The following CHRM3 variants were observed in gnomAD, a reference collection of about 807,000 sequenced individuals.
CHRM3 encodes the protein cholinergic receptor muscarinic 3.
CHRM3 carries 11 observed loss-of-function variants against 41.8 expected under a neutral mutation model. The ratio of observed to expected loss-of-function variants is 0.26; its 90% CI spans 0.17 to 0.44. The LOEUF is 0.44. Ranked by LOEUF, CHRM3 falls within the 20% of genes least tolerant of loss-of-function variation. The pLI is 1.00. For missense variants in CHRM3, 571 were observed against 745.4 expected (o/e 0.77, Z 2.72); for synonymous variants, 297 against 301.4 (o/e 0.99, Z 0.15).
chr1:239,846,276 A>G (rs1674255687), intron 6 of CHRM3, among the ~76,000 whole-genome samples: 1 of 152,186 alleles, frequency 6.6e-6, no homozygotes, highest in African/African-American at 2.4e-5. Flanking sequence ...CAAAAATTAC[A>G]TTCTTGGGAC....
chr1:239,398,053 G>A (rs541173199), intron 1 of CHRM3, among the ~76,000 whole-genome samples: 29 of 152,084 alleles, frequency 1.9e-4, no homozygotes, highest in African/African-American at 5.8e-4. Flanking sequence ...TGTGGAACTC[G>A]GGAAGGTCAT....
intron 4 of CHRM3, among the ~76,000 whole-genome samples, chr1:239,650,582 C>T (rs549424708): frequency 6.6e-6 from 1 of 152,164 alleles, no homozygotes; most frequent in Non-Finnish European, 1.5e-5. Flanking sequence ...AAGTCTTAAA[C>T]TTAATTTGTA....
intron 1 of CHRM3, among the ~76,000 whole-genome samples, chr1:239,424,953 C>T (rs761963108): frequency 5.9e-5 from 9 of 152,274 alleles, no homozygotes; most frequent in Non-Finnish European, 1.0e-4. Flanking sequence ...TTTTGCAAAG[C>T]TCATGCTGGG....
intron 5 of CHRM3, among the ~76,000 whole-genome samples, chr1:239,708,688 A>G (rs1414221447): frequency 2.7e-5 from 4 of 148,144 alleles, no homozygotes; most frequent in Non-Finnish European, 6.0e-5. Flanking sequence ...ATTTTTGCCA[A>G]AGTTACTGTT....
intron 3 of CHRM3, among the ~76,000 whole-genome samples, chr1:239,591,007 A>G (rs758014094): frequency 2.0e-5 from 3 of 152,196 alleles, no homozygotes; most frequent in African/African-American, 7.2e-5. Context: ...TCCCCATCAC[A>G]GTAAGTGTTA....
intron 3 of CHRM3, among the ~76,000 whole-genome samples, chr1:239,575,413 C>T (rs1165855175): frequency 6.6e-6 from 1 of 152,140 alleles, no homozygotes; most frequent in Non-Finnish European, 1.5e-5. Context: ...CCTAATAAAG[C>T]TCAGGGACAA....
At chr1:239,727,852 T>C (rs561310563) in intron 5 of CHRM3, 1 of 152,080 alleles carries the variant, frequency 6.6e-6, no homozygotes, top group East Asian at 1.9e-4. Flanking sequence ...CTTAAGCACA[T>C]GACACCAACT....
At chr1:239,752,266 A>G (rs980854279) in intron 5 of CHRM3, among the ~76,000 whole-genome samples, 1 of 152,212 alleles carries the variant, frequency 6.6e-6, no homozygotes, top group Non-Finnish European at 1.5e-5. Context: ...AGAGCTATTC[A>G]TAATTGCAAG....
chr1:239,851,994 T>C (rs1303402440), intron 6 of CHRM3, among the ~76,000 whole-genome samples: 1 of 152,040 alleles, frequency 6.6e-6, no homozygotes, highest in Non-Finnish European at 1.5e-5. Context: ...AATTCCTGGG[T>C]GATTTGTGGG....
chr1:239,589,638 C>CTATATA (rs10592228), intron 3 of CHRM3, among the ~76,000 whole-genome samples: 26 of 124,910 alleles, frequency 2.1e-4, no homozygotes, highest in African/African-American at 6.5e-4. Flanking sequence ...ATATAAAAAA[C>CTATATA]TATATATATA....
chr1:239,568,249 T>C (rs1262352770), intron 3 of CHRM3, among the ~76,000 whole-genome samples: 3 of 152,180 alleles, frequency 2.0e-5, no homozygotes, highest in Non-Finnish European at 2.9e-5. Context: ...TCTTGAATTG[T>C]AGCTGTTATA....
At chr1:239,419,648 T>C (rs929807155) in intron 1 of CHRM3, among the ~76,000 whole-genome samples, 1 of 152,222 alleles carries the variant, frequency 6.6e-6, no homozygotes, top group Non-Finnish European at 1.5e-5. Context: ...GGGAATTCTG[T>C]GGTCCATTTG....
intron 3 of CHRM3, among the ~76,000 whole-genome samples, chr1:239,562,174 C>T (rs1002484373): frequency 1.3e-5 from 2 of 152,088 alleles, no homozygotes; most frequent in African/African-American, 4.8e-5. Context: ...CTGATCAGTC[C>T]GTGCAGGCCA....
intron 1 of CHRM3, among the ~76,000 whole-genome samples, chr1:239,434,438 T>C (rs1663070090): frequency 6.6e-6 from 1 of 152,218 alleles, no homozygotes; most frequent in Non-Finnish European, 1.5e-5. Flanking sequence ...TCTCTATCTA[T>C]ATAATAGCAG....
intron 3 of CHRM3, among the ~76,000 whole-genome samples, chr1:239,560,764 A>G (rs1354311789): frequency 2.0e-5 from 3 of 152,030 alleles, no homozygotes; most frequent in African/African-American, 7.2e-5. Context: ...TGTCAGCTCC[A>G]TCCGTGACCC....
chr1:239,820,726 C>A (rs1428258265), intron 5 of CHRM3, among the ~76,000 whole-genome samples: 1 of 151,898 alleles, frequency 6.6e-6, no homozygotes, highest in Non-Finnish European at 1.5e-5. Flanking sequence ...AAACAGGTGA[C>A]CAAAAGTTGT....
At chr1:239,591,771 A>T (rs1572828550) in intron 3 of CHRM3, among the ~76,000 whole-genome samples, 2 of 152,232 alleles carry the variant, frequency 1.3e-5, no homozygotes, top group African/African-American at 4.8e-5. Context: ...ACAGTAACAC[A>T]GTTGTGAAGT....
intron 5 of CHRM3, among the ~76,000 whole-genome samples, chr1:239,754,805 A>G (rs553266046): frequency 1.2e-4 from 18 of 152,136 alleles, no homozygotes; most frequent in African/African-American, 4.3e-4. Flanking sequence ...AGGAAGAAAA[A>G]ATTTCAAATT....
At chr1:239,609,914 C>T (rs1278465933) in intron 3 of CHRM3, among the ~76,000 whole-genome samples, 7 of 151,944 alleles carry the variant, frequency 4.6e-5, no homozygotes, top group Admixed American at 2.0e-4. Context: ...TACTATAGGC[C>T]GGGCGCAGTG....
Sources: gnomAD v4.1 joint callset for allele counts (sites outside exome capture counted in the v4.1 genomes callset) on GRCh38, gnomAD v4.1.1 for gene constraint, MANE v1.5 for transcripts, NCBI Gene and HGNC (gene_info 2026-07-23, HGNC 2026-07-21) for gene names.